HDX: variants seen among roughly 807,000 people sequenced by gnomAD.
HDX encodes highly divergent homeobox.
Under a neutral mutation model 45.2 loss-of-function variants are expected in HDX, and 19 were observed. That is an observed-to-expected ratio of 0.42 (90% confidence interval 0.29 to 0.62). The LOEUF (loss-of-function observed/expected upper bound fraction) is 0.62. Ranked by LOEUF, HDX falls within the 20% of genes least tolerant of loss-of-function variation. The pLI, the probability that HDX is intolerant of heterozygous loss-of-function variation, is 0.20. For synonymous variants in HDX, 188 were observed against 172.8 expected, an observed-to-expected ratio of 1.09 and a Z score of -0.69; for missense variants, 532 against 493.9, an observed-to-expected ratio of 1.08 and a Z score of -0.73.
Position 84,399,722 on chromosome X carries a change from G to A in HDX, c.1306-38110C>T, listed in dbSNP as rs1238798667. Among the ~76,000 whole-genome samples, 4 of 111,514 alleles carry A rather than the reference G, an allele frequency of 3.6e-5. No homozygotes were observed. In the South Asian group the frequency reaches 1.1e-3, roughly 32 times the overall value. On this transcript the variant is annotated intron_variant, in intron 5 of 10. Coordinates refer to ENST00000373177, the MANE Select transcript of HDX (RefSeq NM_001177479.2). ...CTCCCTAACTCATTTTATGAGGCCA[G>A]CATCATAGTGATAGTAAAATCTGGC...
At chrX:84,459,328 G>A (rs1289155330) in intron 4 of HDX, among the ~76,000 whole-genome samples, 3 of 110,101 alleles carry the variant, frequency 2.7e-5, no homozygotes, top group Non-Finnish European at 5.7e-5. Context: ...TGTAGTCCCA[G>A]CTGCTCGGGA....
intron 4 of HDX, among the ~76,000 whole-genome samples, chrX:84,445,870 C>A (rs1161897692): frequency 9.0e-6 from 1 of 111,031 alleles, no homozygotes; most frequent in Non-Finnish European, 1.9e-5. Context: ...AAACTATTAG[C>A]CTGGAAAGTT....
At chrX:84,420,468 A>G (rs1175559262) in intron 5 of HDX, among the ~76,000 whole-genome samples, 5 of 111,427 alleles carry the variant, frequency 4.5e-5, no homozygotes, top group Non-Finnish European at 7.5e-5. Flanking sequence ...GAAAAGAAAA[A>G]CAATAAAGCA....
At chrX:84,346,850 A>C (rs921295736) in intron 6 of HDX, among the ~76,000 whole-genome samples, 1 of 111,705 alleles carries the variant, frequency 9.0e-6, no homozygotes, top group African/African-American at 3.2e-5. Flanking sequence ...AGAAATGGTA[A>C]TAAAAAGCAC....
At chrX:84,455,304 C>T (rs780156516) in intron 4 of HDX, among the ~76,000 whole-genome samples, 183 of 111,630 alleles carry the variant, frequency 1.6e-3, no homozygotes, top group African/African-American at 5.7e-3. Flanking sequence ...TTTGAGAAAC[C>T]TGAAAGAAAT....
chrX:84,413,531 G>A (rs2039034428), intron 5 of HDX, among the ~76,000 whole-genome samples: 1 of 111,495 alleles, frequency 9.0e-6, no homozygotes. Flanking sequence ...GAGCCAATGT[G>A]TTCCTGGTCT....
intron 4 of HDX, among the ~76,000 whole-genome samples, chrX:84,443,352 C>T (rs754451454): frequency 9.0e-6 from 1 of 111,576 alleles, no homozygotes; most frequent in East Asian, 2.8e-4. Context: ...ACACATCTCA[C>T]TTAAATGATA....
intron 4 of HDX, among the ~76,000 whole-genome samples, chrX:84,459,369 G>A (rs145834401): frequency 0.091 from 9,955 of 109,449 alleles, 474 homozygotes; most frequent in South Asian, 0.28. Context: ...GTGAACCCGG[G>A]AGGCAGAGCG....
chrX:84,419,199 G>A (rs370040743), intron 5 of HDX, among the ~76,000 whole-genome samples: 1 of 110,939 alleles, frequency 9.0e-6, no homozygotes, highest in African/African-American at 3.3e-5. Context: ...GTACCAGCAT[G>A]GCAACAGGCA....
At chrX:84,430,391 T>C (rs1053853791) in intron 5 of HDX, among the ~76,000 whole-genome samples, 2 of 111,270 alleles carry the variant, frequency 1.8e-5, no homozygotes, top group African/African-American at 3.3e-5. Context: ...TGTGTATATA[T>C]ACCACATTTT....
chrX:84,437,813 G>A (rs950836534), intron 5 of HDX, among the ~76,000 whole-genome samples: 1 of 111,310 alleles, frequency 9.0e-6, no homozygotes, highest in East Asian at 2.9e-4. Flanking sequence ...TCTCTAGGTA[G>A]AGGAAGTAAT....
At chrX:84,485,379 A>T (rs1196598020) in intron 2 of HDX, among the ~76,000 whole-genome samples, 4 of 111,834 alleles carry the variant, frequency 3.6e-5, no homozygotes, top group Non-Finnish European at 7.5e-5. Flanking sequence ...GTCTATTTTT[A>T]TTTTCAGTTC....
chrX:84,373,341 C>A (rs2037948529), intron 5 of HDX, among the ~76,000 whole-genome samples: 2 of 110,850 alleles, frequency 1.8e-5, no homozygotes, highest in South Asian at 7.7e-4. Flanking sequence ...AGTCTTGGCA[C>A]ATTGAAAATT....
chrX:84,378,365 A>G (rs1457917089), intron 5 of HDX, among the ~76,000 whole-genome samples: 1 of 111,590 alleles, frequency 9.0e-6, no homozygotes, highest in Non-Finnish European at 1.9e-5. Context: ...TTATAACACC[A>G]TAACTGTGGA....
intron 5 of HDX, among the ~76,000 whole-genome samples, chrX:84,422,181 A>G (rs1268405877): frequency 8.9e-6 from 1 of 112,374 alleles, no homozygotes; most frequent in East Asian, 2.8e-4. Context: ...TGAAAAAGTA[A>G]CAAGCATCTT....
intron 8 of HDX, among the ~76,000 whole-genome samples, chrX:84,334,448 G>T (rs2036911952): frequency 9.1e-6 from 1 of 109,982 alleles, no homozygotes; most frequent in South Asian, 3.9e-4. Context: ...GAGAGGAAAA[G>T]GGAGAAAGAG....
intron 2 of HDX, among the ~76,000 whole-genome samples, chrX:84,476,297 C>G (rs866880903): frequency 1.8e-5 from 2 of 110,680 alleles, no homozygotes; most frequent in Non-Finnish European, 3.8e-5. Flanking sequence ...TTGTTAAAAG[C>G]TGTCACACTA....
intron 5 of HDX, among the ~76,000 whole-genome samples, chrX:84,433,544 TG>T (rs1275316195): frequency 2.7e-5 from 3 of 111,717 alleles, no homozygotes; most frequent in African/African-American, 9.8e-5. Flanking sequence ...TATGGTTCTA[TG>T]TGTTCGTTTT....
intron 5 of HDX, among the ~76,000 whole-genome samples, chrX:84,395,743 T>C (rs1745819214): frequency 1.8e-5 from 2 of 112,061 alleles, no homozygotes; most frequent in Non-Finnish European, 3.8e-5. Context: ...GTTCCATATG[T>C]AATGTAGGCT....
Sources: gnomAD v4.1 joint callset for allele counts (sites outside exome capture counted in the v4.1 genomes callset) on GRCh38, gnomAD v4.1.1 for gene constraint, MANE v1.5 for transcripts, NCBI Gene and HGNC (gene_info 2026-07-23, HGNC 2026-07-21) for gene names.